EMX1: variants seen among roughly 807,000 people sequenced by gnomAD.
The protein encoded by EMX1 is homeobox protein EMX1.
Under a neutral mutation model 20.1 loss-of-function variants are expected in EMX1, and 10 were observed. The ratio of observed to expected loss-of-function variants is 0.50; its 90% confidence interval spans 0.31 to 0.84. EMX1 has a LOEUF of 0.84. EMX1 is among the 40% of genes least tolerant of loss of function. The pLI, the probability that EMX1 is intolerant of heterozygous loss-of-function variation, is 0.05. For missense variants in EMX1, 424 were observed against 431.9 expected (o/e 0.98, Z 0.16); for synonymous variants, 250 against 200.4 (o/e 1.25, Z -2.09).
intron 2 of EMX1, among the ~76,000 whole-genome samples, chr2:72,926,957 A>AT (rs1416537567): frequency 6.6e-6 from 1 of 152,070 alleles, no homozygotes; most frequent in Non-Finnish European, 1.5e-5. Context: ...GCTATCAGCT[A>AT]TTTGTCAAGC....
intron 1 of EMX1, among the ~76,000 whole-genome samples, chr2:72,920,994 C>G (rs1671093284): frequency 6.6e-6 from 1 of 152,194 alleles, no homozygotes; most frequent in African/African-American, 2.4e-5. Context: ...GAGGTTATCT[C>G]CGCCGCCTGT....
intron 2 of EMX1, among the ~76,000 whole-genome samples, chr2:72,928,771 C>A (rs1033026973): frequency 6.6e-6 from 1 of 152,206 alleles, no homozygotes; most frequent in Non-Finnish European, 1.5e-5. Flanking sequence ...GGAAGAATGA[C>A]TAGGGTCCCC....
At chr2:72,929,479 G>C (rs1671251717) in intron 2 of EMX1, among the ~76,000 whole-genome samples, 1 of 152,204 alleles carries the variant, frequency 6.6e-6, no homozygotes, top group South Asian at 2.1e-4. Context: ...GACCTTGAGA[G>C]TGGGAACAGC....
chr2:72,918,918 G>A (rs1671048769), intron 1 of EMX1, among the ~76,000 whole-genome samples: 1 of 152,216 alleles, frequency 6.6e-6, no homozygotes, highest in Non-Finnish European at 1.5e-5. Flanking sequence ...GGCTGTCTTG[G>A]GATGTTTCTC....
intron 1 of EMX1, among the ~76,000 whole-genome samples, chr2:72,919,348 T>C (rs1051301460): frequency 6.6e-6 from 1 of 152,172 alleles, no homozygotes; most frequent in Admixed American, 6.5e-5. Context: ...AGAGTGGCCT[T>C]GATTTGTACA....
intron 2 of EMX1, chr2:72,926,436 G>A (rs1671200840): frequency 2.2e-6 from 1 of 448,124 alleles, no homozygotes; most frequent in Non-Finnish European, 2.9e-6. Flanking sequence ...CTGTAAATGA[G>A]CTGCTTTTTG....
upstream of EMX1, chr2:72,917,186 T>C: frequency 1.6e-6 from 1 of 606,144 alleles, no homozygotes; most frequent in Non-Finnish European, 3.0e-6. Flanking sequence ...TGAAACGACA[T>C]CCCGGGACGA....
chr2:72,934,744 G>C lies in EMX1; in HGVS notation c.*790G>C, dbSNP rs1573902102. 1 of 152,220 alleles carries C rather than the reference G, an allele frequency of 6.6e-6. No homozygotes were observed. Among genetic ancestry groups the C allele is most frequent in the South Asian group, 2.1e-4 (1 of 4,830 alleles). 9.4% of individuals were successfully genotyped at this position (152,220 alleles called of 1,614,324 possible). ...GAAAGGGGAGGATTGGGGTCTGGGG[G>C]AGGGAACACCATTCACAAAGGCTGA... On this transcript the variant is annotated 3_prime_UTR_variant, in exon 3 of 3. Transcript: ENST00000258106.
At chr2:72,925,631 C>T in intron 2 of EMX1, 1 of 1,208,268 alleles carries the variant, frequency 8.3e-7, no homozygotes, top group Non-Finnish European at 1.1e-6. Context: ...ACACCACCGT[C>T]CCCTCCCAAG....
At chr2:72,919,253 G>T (rs1324838824) in intron 1 of EMX1, among the ~76,000 whole-genome samples, 1 of 151,966 alleles carries the variant, frequency 6.6e-6, no homozygotes, top group Non-Finnish European at 1.5e-5. Flanking sequence ...AGAAAAGAGA[G>T]TTGCATTTGT....
chr2:72,917,617 G>C lies in EMX1; in HGVS notation c.-236G>C, dbSNP rs936963424. The C allele has an allele frequency of 4.2e-6, 1 of 236,440 alleles. No individual in the cohort carries two copies. Among genetic ancestry groups the C allele is most frequent in the Admixed American group, 5.6e-5 (1 of 17,720 alleles). The allele number at this position is 236,440 out of a possible 1,614,324, so 14.6% of individuals were successfully genotyped here. A position where few individuals can be genotyped will look rare whatever the true frequency, so the allele number is the denominator to read the frequency against. ...CCCAGCGGGACTCCGAAAGGAGGGA[G>C]ACGAGCTCAACCCTCGGGCCTTACT... On this transcript the variant is annotated 5_prime_UTR_variant, in exon 1 of 3. Coordinates refer to ENST00000258106, the MANE Select transcript of EMX1 (RefSeq NM_004097.3).
chr2:72,917,006 C>T (rs530180065), upstream of EMX1: 29 of 700,954 alleles, frequency 4.1e-5, no homozygotes, highest in Admixed American at 4.5e-4. Context: ...ATCCAGAAAA[C>T]GCGAAACCTC....
In EMX1 at chr2:72,917,589, G is replaced by A; in HGVS notation, c.-264G>A. 1 of 211,648 alleles carries A rather than the reference G, an allele frequency of 4.7e-6. No individual in the cohort carries two copies. The highest frequency in any genetic ancestry group is 9.2e-6 in the Non-Finnish European group (1 of 108,494). 13.1% of individuals were successfully genotyped at this position (211,648 alleles called of 1,614,324 possible). The stretch of plus-strand genomic sequence containing the variant: ...TGCGGGGACACCGGGGGCTGGGGTC[G>A]GTCCCAGCGGGACTCCGAAAGGAGG... On this transcript the variant is annotated 5_prime_UTR_variant, in exon 1 of 3. Coordinates refer to ENST00000258106, the MANE Select transcript of EMX1 (RefSeq NM_004097.3).
At chr2:72,922,237 T>C (rs947663393) in intron 1 of EMX1, among the ~76,000 whole-genome samples, 1 of 152,234 alleles carries the variant, frequency 6.6e-6, no homozygotes, top group African/African-American at 2.4e-5. Flanking sequence ...ATGTTGTTTT[T>C]TGAAGCAAGT....
intron 1 of EMX1, among the ~76,000 whole-genome samples, chr2:72,920,714 C>T (rs1671086051): frequency 6.6e-6 from 1 of 152,262 alleles, no homozygotes; most frequent in African/African-American, 2.4e-5. Flanking sequence ...GAAGCGGCGT[C>T]TCCGCTAACC....
Position 72,917,728 on chromosome 2 carries a change from G to C in EMX1, c.-125G>C. On this transcript the variant is annotated 5_prime_UTR_variant, in exon 1 of 3. Transcript: ENST00000258106. ...GCCGCAGCAGCCGCCGCGCCTGGCCGTACGCTGTGGCCGGACCCCGCGGTC... is the reference window on the plus strand; with the variant it reads ...GCCGCAGCAGCCGCCGCGCCTGGCCCTACGCTGTGGCCGGACCCCGCGGTC... 1.1e-6 allele frequency: 1 copy of C among 949,542 alleles called. No individual in the cohort carries two copies. Among genetic ancestry groups the C allele is most frequent in the Non-Finnish European group, 1.3e-6 (1 of 745,688 alleles). 58.8% of individuals were successfully genotyped at this position (949,542 alleles called of 1,614,324 possible). A position where few individuals can be genotyped will look rare whatever the true frequency, so the allele number is the denominator to read the frequency against.
intron 1 of EMX1, chr2:72,923,551 G>A (rs543285644): frequency 6.6e-6 from 1 of 152,450 alleles, no homozygotes; most frequent in East Asian, 1.9e-4. Context: ...GGAGAGAGAG[G>A]TGGAGAAAGG....
At chr2:72,925,515 C>T in intron 2 of EMX1, 1 of 1,288,410 alleles carries the variant, frequency 7.8e-7, no homozygotes. Flanking sequence ...TCTCTGCGTG[C>T]CGGCCGGCTC....
rs891492065 is a variant in EMX1, at chr2:72,934,231, A to G, written c.*277A>G. The G allele has an allele frequency of 2.8e-5, 13 of 456,148 alleles. No individual in the cohort carries two copies. The highest frequency in any genetic ancestry group is 1.5e-4 in the East Asian group (4 of 27,372). The allele number at this position is 456,148 out of a possible 1,614,324, so 28.3% of individuals were successfully genotyped here. On this transcript the variant is annotated 3_prime_UTR_variant, in exon 3 of 3. Transcript: ENST00000258106. Reference sequence around the variant, plus strand: ...CTCCCAGCTGCTCTCCGTGTCTCCAATCTCCCTTTTGTTTTGATGCATTTC... The same window carrying G: ...CTCCCAGCTGCTCTCCGTGTCTCCAGTCTCCCTTTTGTTTTGATGCATTTC...
Sources: allele counts gnomAD v4.1 joint callset (sites outside exome capture counted in the v4.1 genomes callset), GRCh38; gene constraint gnomAD v4.1.1; transcripts MANE v1.5; gene names NCBI Gene and HGNC (gene_info 2026-07-23, HGNC 2026-07-21).